Variants in TMPRSS13 observed in about 807,000 individuals in gnomAD.
The protein encoded by TMPRSS13 is transmembrane serine protease 13, also known as transmembrane protease serine 13.
Under a neutral mutation model 68.4 loss-of-function variants are expected in TMPRSS13, and 50 were observed. The ratio of observed to expected loss-of-function variants is 0.73; its 90% confidence interval spans 0.58 to 0.93. The LOEUF (loss-of-function observed/expected upper bound fraction) is 0.93, where lower values mean the gene tolerates loss of function less well. TMPRSS13 is among the 40% of genes least tolerant of loss of function. The probability of loss-of-function intolerance (pLI) is 0.00; values close to 1 mark genes in which losing one functional copy is unlikely to be tolerated. For synonymous variants in TMPRSS13, 267 were observed against 285.8 expected (o/e 0.93, Z 0.66); for missense variants, 615 against 729.2 (o/e 0.84, Z 1.80).
At position 117,923,345 on chromosome 11, in the gene TMPRSS13, G is replaced by A. The variant is rs539261676; in HGVS notation, c.22-4507C>T. Among the ~76,000 whole-genome samples, 53 of 152,178 alleles carry A rather than the reference G, an allele frequency of 3.5e-4. No individual in the cohort carries two copies. In the South Asian group the frequency reaches 5.8e-3, roughly 17 times the overall value. ...TCTGCCCCTTGGGCCGTTACCTGGT[G>A]GGGATGGTAGTAAGTTAGCCAGCCC... On this transcript the variant is annotated intron_variant, in intron 1 of 12. Coordinates refer to ENST00000524993, the MANE Select transcript of TMPRSS13 (RefSeq NM_001077263.3).
Position 117,904,113 on chromosome 11 carries a change from T to C in TMPRSS13, c.1382-12A>G. ...GGGGGATGTCTTGTCTTCAGTGAAG[T>C]GGGGTGGAGGAGACAGAGGATGGGA... On this transcript the variant is annotated splice_polypyrimidine_tract_variant and intron_variant, in intron 10 of 12. Transcript: ENST00000524993. 2 of 1,613,078 alleles carry C rather than the reference T, an allele frequency of 1.2e-6. No homozygotes were observed. Among genetic ancestry groups the C allele is most frequent in the South Asian group, 1.1e-5 (1 of 90,884 alleles).
chr11:117,908,174 T>TAGG, intron 9 of TMPRSS13: 1 of 651,172 alleles, frequency 1.5e-6, no homozygotes, highest in Non-Finnish European at 2.1e-6. Flanking sequence ...CCTCAGGTAA[T>TAGG]TATCTCTCTG....
chr11:117,921,645 A>G (rs1177550829), intron 1 of TMPRSS13, among the ~76,000 whole-genome samples: 7 of 152,194 alleles, frequency 4.6e-5, no homozygotes, highest in Admixed American at 4.6e-4. Context: ...AAAGCCAAGA[A>G]CTGCAGAAAG....
chr11:117,923,023 C>T (rs1019400342), intron 1 of TMPRSS13, among the ~76,000 whole-genome samples: 3 of 152,130 alleles, frequency 2.0e-5, no homozygotes, highest in African/African-American at 7.2e-5. Context: ...CGCAGGAAAG[C>T]GGTAAGGGAC....
chr11:117,917,399 G>A (rs1459975596), intron 2 of TMPRSS13, 125 bp from the exon 3 acceptor site: 1 of 666,334 alleles, frequency 1.5e-6, no homozygotes, highest in Non-Finnish European at 2.6e-6. Flanking sequence ...CCAGAAGTTG[G>A]AATGAGATTT....
At chr11:117,918,226 T>C (rs1418194116) in intron 2 of TMPRSS13, among the ~76,000 whole-genome samples, 183 bp downstream of exon 2, 1 of 152,144 alleles carries the variant, frequency 6.6e-6, no homozygotes, top group Non-Finnish European at 1.5e-5. Flanking sequence ...TTCCACTGTC[T>C]CAGGTTTTCA....
chr11:117,906,163 G>C (rs970380108), intron 9 of TMPRSS13, among the ~76,000 whole-genome samples: 1 of 152,214 alleles, frequency 6.6e-6, no homozygotes, highest in African/African-American at 2.4e-5. Context: ...GCATCTCAGC[G>C]GTATGTCCAG....
rs950880449 is a variant in TMPRSS13 at position 117,918,321 on chromosome 11, G to A, written c.451+88C>T. ...CCTTCCCCGCATCGTTGTCTGCTAT[G>A]AGAGCAGAGCACACTGGCTCTGAGA... is the stretch of plus-strand genomic sequence containing the variant. On this transcript the variant is annotated intron_variant, in intron 2 of 12. Transcript: ENST00000524993. 15 of 1,403,160 alleles carry A rather than the reference G, an allele frequency of 1.1e-5. 1 individual carries two copies. In the Middle Eastern group the frequency reaches 6.7e-4, roughly 62 times the overall value. The allele number at this position is 1,403,160 out of a possible 1,614,324, so 86.9% of individuals were successfully genotyped here. A position where few individuals can be genotyped will look rare whatever the true frequency, so the allele number is the denominator to read the frequency against.
At chr11:117,921,553 G>A (rs2057648876) in intron 1 of TMPRSS13, among the ~76,000 whole-genome samples, 1 of 152,208 alleles carries the variant, frequency 6.6e-6, no homozygotes, top group African/African-American at 2.4e-5. Flanking sequence ...GTGGGGGGAG[G>A]GAGCTGGGGA....
At position 117,902,202 on chromosome 11, in the gene TMPRSS13, C is replaced by T. The variant is rs200871992; in HGVS notation, c.*37G>A. The stretch of plus-strand genomic sequence containing the variant: ...CCAGTCACCATGGCCAGAGTCTTCA[C>T]AGCAGCCGGTGCTGTGCAGAGCAGC... On this transcript the variant is annotated 3_prime_UTR_variant, in exon 13 of 13. Transcript: ENST00000524993. 12 of 1,612,328 alleles carry T rather than the reference C, an allele frequency of 7.4e-6. No homozygotes were observed. The highest frequency in any genetic ancestry group is 1.0e-5 in the Non-Finnish European group (12 of 1,179,174).
At chr11:117,903,533 A>G (rs527434013) in intron 12 of TMPRSS13, 122 bp downstream of exon 12, 1 of 1,563,226 alleles carries the variant, frequency 6.4e-7, no homozygotes, top group South Asian at 1.2e-5. Flanking sequence ...CCTGTCCAGA[A>G]CACCCCCCGA....
intron 5 of TMPRSS13, 141 bp downstream of exon 5, chr11:117,913,636 G>T: frequency 9.7e-7 from 1 of 1,030,986 alleles, no homozygotes. Flanking sequence ...TGAACACCTC[G>T]AGGGTGTCCA....
rs1179466297 is a variant in TMPRSS13, at chr11:117,903,731, C to T, written c.1601G>A (p.Gly534Asp). ...YLAGVTSWGT[G>D]CGQRNKPGVY... ...ACCAGGTTTGTTTCTCTGGCCACAGCCTGTGCCCCAGCTGGTGACACCTGC... is the reference window on the plus strand; with the variant it reads ...ACCAGGTTTGTTTCTCTGGCCACAGTCTGTGCCCCAGCTGGTGACACCTGC... The change falls in exon 12 of 13, where the codon GGC becomes GAC. Residue 534 changes from glycine to aspartate, a missense_variant. Physicochemically the swap from Gly to Asp is moderately conservative, Grantham distance 94. Coordinates refer to ENST00000524993, the MANE Select transcript of TMPRSS13 (RefSeq NM_001077263.3). 1.2e-6 allele frequency: 2 copies of T among 1,613,614 alleles called. No individual in the cohort carries two copies. Among genetic ancestry groups the T allele is most frequent in the Non-Finnish European group, 1.7e-6 (2 of 1,179,806 alleles).
intron 5 of TMPRSS13, among the ~76,000 whole-genome samples, chr11:117,913,221 G>T (rs1040096646): frequency 3.3e-5 from 5 of 152,196 alleles, no homozygotes; most frequent in African/African-American, 1.2e-4. Flanking sequence ...CAAGTGGAAG[G>T]TCATTGCTCA....
At chr11:117,926,022 G>C (rs2057702367) in intron 1 of TMPRSS13, among the ~76,000 whole-genome samples, 2 of 151,704 alleles carry the variant, frequency 1.3e-5, no homozygotes, top group Admixed American at 6.6e-5. Flanking sequence ...CAGGTACCAG[G>C]GTCCTTGGAG....
In TMPRSS13 at chr11:117,918,665, A is replaced by G; in HGVS notation, c.195T>C (p.Pro65=). The change falls in exon 2 of 13, where the codon CCT becomes CCC. Residue 65 remains proline (P), a synonymous_variant. Coordinates refer to ENST00000524993, the MANE Select transcript of TMPRSS13 (RefSeq NM_001077263.3). ...CCCGGCCTGGAGATGCCCGGCCTGGAGGTGTACCAGCTGGAGATGCCTGGG... is the reference window on the plus strand; with the variant it reads ...CCCGGCCTGGAGATGCCCGGCCTGGGGGTGTACCAGCTGGAGATGCCTGGG... ...SPAQASPAGT[P]PGRASPGRAS... 6.3e-7 allele frequency: 1 copy of G among 1,591,188 alleles called. No homozygotes were observed. Among genetic ancestry groups the G allele is most frequent in the Non-Finnish European group, 8.6e-7 (1 of 1,168,222 alleles).
chr11:117,917,143 C>T (rs760474650), intron 3 of TMPRSS13, 27 bp downstream of exon 3: 2 of 1,594,920 alleles, frequency 1.3e-6, no homozygotes, highest in South Asian at 2.2e-5. Context: ...GCCCAGAACC[C>T]ACCCCTGCAC....
intron 7 of TMPRSS13, 66 bp downstream of exon 7, chr11:117,910,641 G>A: frequency 1.3e-6 from 2 of 1,499,448 alleles, no homozygotes; most frequent in Non-Finnish European, 1.8e-6. Flanking sequence ...CCTTGGAGGA[G>A]TGCTGCCCCT....
At position 117,914,259 on chromosome 11, in the gene TMPRSS13, A is replaced by G; in HGVS notation, c.679+133T>C. 8.0e-7 allele frequency: 1 copy of G among 1,257,674 alleles called. No homozygotes were observed. The highest frequency in any genetic ancestry group is 1.5e-5 in the African/African-American group (1 of 68,594). The allele number at this position is 1,257,674 out of a possible 1,614,324, so 77.9% of individuals were successfully genotyped here. A position where few individuals can be genotyped will look rare whatever the true frequency, so the allele number is the denominator to read the frequency against. ...CACACACACATACATGCATACACAC[A>G]AACATGCACATACACACACATGCAC... On this transcript the variant is annotated intron_variant, in intron 4 of 12. Coordinates refer to ENST00000524993, the MANE Select transcript of TMPRSS13 (RefSeq NM_001077263.3). This position sits in a 1 kb window ranked among gnomAD's most constrained non-coding sequence, Gnocchi z 4.2.
Sources: gnomAD v4.1 joint callset for allele counts (sites outside exome capture counted in the v4.1 genomes callset) on GRCh38, gnomAD v4.1.1 for gene constraint, Gnocchi (gnomAD v3.1) non-coding constraint, MANE v1.5 for transcripts, NCBI Gene and HGNC (gene_info 2026-07-23, HGNC 2026-07-21) for gene names.